ZNF407: variants seen among roughly 807,000 people sequenced by gnomAD.
ZNF407 encodes zinc finger protein 407.
In ZNF407, 17 loss-of-function variants were observed where a neutral mutation model predicts 131.2. That is an observed-to-expected ratio of 0.13 (90% CI 0.09 to 0.19). The LOEUF (loss-of-function observed/expected upper bound fraction) is 0.19. ZNF407 is among the 10% of genes least tolerant of loss of function. The pLI, the probability that ZNF407 is intolerant of heterozygous loss-of-function variation, is 1.00. For missense variants in ZNF407, 2,681 were observed against 2,830.6 expected (o/e 0.95, Z 1.20); for synonymous variants, 1,156 against 1,062.0 (o/e 1.09, Z -1.72).
At chr18:74,993,150 G>C (rs1972738630) in intron 8 of ZNF407, among the ~76,000 whole-genome samples, 1 of 151,936 alleles carries the variant, frequency 6.6e-6, no homozygotes, top group Non-Finnish European at 1.5e-5. Flanking sequence ...ACCCAAAAGG[G>C]ATAAAAGCAA....
chr18:74,756,019 T>C (rs1241461558), intron 3 of ZNF407, among the ~76,000 whole-genome samples: 1 of 144,714 alleles, frequency 6.9e-6, no homozygotes, highest in African/African-American at 2.5e-5. Context: ...TCAGCCTCCT[T>C]AGTAGCTGGG....
intron 8 of ZNF407, among the ~76,000 whole-genome samples, chr18:74,967,038 A>C (rs996049682): frequency 6.6e-6 from 1 of 152,202 alleles, no homozygotes; most frequent in East Asian, 1.9e-4. Context: ...AGGCAGGAGC[A>C]TCACTTGAGC....
At chr18:75,047,916 A>G (rs1408442567) in intron 8 of ZNF407, among the ~76,000 whole-genome samples, 3 of 152,198 alleles carry the variant, frequency 2.0e-5, no homozygotes, top group African/African-American at 4.8e-5. Flanking sequence ...ATGACGTTTA[A>G]TAGTGAGTAG....
intron 3 of ZNF407, among the ~76,000 whole-genome samples, chr18:74,646,831 G>A (rs184803276): frequency 1.3e-3 from 194 of 152,262 alleles, no homozygotes; most frequent in African/African-American, 4.6e-3. Flanking sequence ...GGAAACTGAG[G>A]CAGCCCCCAG....
intron 4 of ZNF407, chr18:74,804,745 T>C (rs955963992): frequency 4.5e-6 from 2 of 443,958 alleles, no homozygotes; most frequent in Non-Finnish European, 6.0e-6. Flanking sequence ...GTTAGCCGAG[T>C]TGTTTCCTAT....
intron 8 of ZNF407, among the ~76,000 whole-genome samples, chr18:75,049,043 C>T (rs1412466040): frequency 7.7e-6 from 1 of 130,050 alleles, no homozygotes; most frequent in African/African-American, 3.0e-5. Context: ...GGTGAGTGCT[C>T]ATGGCCACCT....
intron 3 of ZNF407, among the ~76,000 whole-genome samples, chr18:74,754,259 T>C (rs1267088359): frequency 6.6e-6 from 1 of 152,242 alleles, no homozygotes; most frequent in Admixed American, 6.5e-5. Context: ...TTAGTCTTGC[T>C]AGCGGTCTAT....
chr18:74,787,993 A>G (rs1489649754), intron 4 of ZNF407, among the ~76,000 whole-genome samples: 1 of 152,212 alleles, frequency 6.6e-6, no homozygotes, highest in African/African-American at 2.4e-5. Flanking sequence ...ACTTGTCTCT[A>G]ACACTTCGTT....
chr18:75,015,892 G>T (rs1014154221), intron 8 of ZNF407, among the ~76,000 whole-genome samples: 8 of 151,956 alleles, frequency 5.3e-5, no homozygotes, highest in African/African-American at 1.2e-4. Context: ...ATCAGAGAGA[G>T]ATATAAATGC....
At position 75,051,041 on chromosome 18, in the gene ZNF407, A is replaced by C. The variant is rs115133749; in HGVS notation, c.5429-12109A>C. ...AAGCACTGAAGATGCCGTGGCAAAT[A>C]ATAGAGCCCTGCACTCAAGGAGCTC... On this transcript the variant is annotated intron_variant, in intron 8 of 8. Coordinates refer to ENST00000299687, the MANE Select transcript of ZNF407 (RefSeq NM_017757.3). 8.6e-3 allele frequency among the ~76,000 whole-genome samples: 1,317 copies of C among 152,260 alleles called. 24 individuals are homozygous for C. The highest frequency in any genetic ancestry group is 0.029 in the African/African-American group (1,225 of 41,534).
intron 1 of ZNF407, among the ~76,000 whole-genome samples, chr18:74,606,201 G>A (rs928553236): frequency 6.6e-6 from 1 of 152,042 alleles, no homozygotes; most frequent in African/African-American, 2.4e-5. Flanking sequence ...TAGCTACATG[G>A]TGATCTTAAA....
rs186994937 is a variant in ZNF407, at chr18:74,810,616, T to G, written c.4877+29114T>G. On this transcript the variant is annotated intron_variant, in intron 4 of 8. Coordinates refer to ENST00000299687, the MANE Select transcript of ZNF407 (RefSeq NM_017757.3). ...TTTTCATTTTAACTTTTTAAACTTC[T>G]GGTATTCTCTGTTCTCTAGTTTTGA... Among the ~76,000 whole-genome samples, 11 of 152,370 alleles carry G rather than the reference T, an allele frequency of 7.2e-5. No homozygotes were observed. In the East Asian group the frequency reaches 2.1e-3, roughly 29 times the overall value.
intron 8 of ZNF407, among the ~76,000 whole-genome samples, chr18:74,950,025 A>G (rs2145278219): frequency 6.6e-6 from 1 of 152,334 alleles, no homozygotes; most frequent in South Asian, 2.1e-4. Flanking sequence ...CAGCAGCAGT[A>G]GAAGAGTGTT....
At chr18:74,668,658 T>C (rs554342562) in intron 3 of ZNF407, among the ~76,000 whole-genome samples, 12 of 152,338 alleles carry the variant, frequency 7.9e-5, no homozygotes, top group Non-Finnish European at 1.5e-4. Context: ...CTAGCACTTA[T>C]TATAGACTTA....
intron 8 of ZNF407, among the ~76,000 whole-genome samples, chr18:75,018,551 G>C (rs1483726506): frequency 6.6e-6 from 1 of 151,398 alleles, no homozygotes; most frequent in Non-Finnish European, 1.5e-5. Context: ...GAGAAATAAA[G>C]TCATTAAGTA....
chr18:74,940,484 G>A (rs945428736), intron 8 of ZNF407, among the ~76,000 whole-genome samples: 1 of 152,088 alleles, frequency 6.6e-6, no homozygotes. Flanking sequence ...GCTAGAGGGA[G>A]GGAGACACCA....
At chr18:74,827,919 C>T (rs1341199491) in intron 4 of ZNF407, among the ~76,000 whole-genome samples, 1 of 152,170 alleles carries the variant, frequency 6.6e-6, no homozygotes, top group African/African-American at 2.4e-5. Context: ...TCATACCTCC[C>T]TTCTATGAGG....
intron 8 of ZNF407, among the ~76,000 whole-genome samples, chr18:75,005,931 A>G (rs1009097492): frequency 2.0e-5 from 3 of 152,078 alleles, no homozygotes; most frequent in African/African-American, 4.8e-5. Context: ...CAGCGGGTCT[A>G]TGGGAGTTTT....
chr18:74,866,649 T>C (rs547670005), intron 4 of ZNF407, among the ~76,000 whole-genome samples: 41 of 152,006 alleles, frequency 2.7e-4, no homozygotes, highest in African/African-American at 9.2e-4. Flanking sequence ...GAAACACTTC[T>C]GGGTATTACC....
Sources: gnomAD v4.1 joint callset for allele counts (sites outside exome capture counted in the v4.1 genomes callset) on GRCh38, gnomAD v4.1.1 for gene constraint, MANE v1.5 for transcripts, NCBI Gene and HGNC (gene_info 2026-07-23, HGNC 2026-07-21) for gene names.